RABGAP1: variants seen among roughly 807,000 people sequenced by gnomAD.
RABGAP1 encodes RAB GTPase activating protein 1, also known as rab GTPase-activating protein 1.
RABGAP1 carries 23 observed loss-of-function variants against 137.6 expected under a neutral mutation model. The observed-to-expected ratio is 0.17, with a 90% CI of 0.12 to 0.24. The LOEUF (loss-of-function observed/expected upper bound fraction) is 0.24, where lower values mean the gene tolerates loss of function less well. RABGAP1 is among the 10% of genes least tolerant of loss of function. The probability of loss-of-function intolerance (pLI) is 1.00; values close to 1 mark genes in which losing one functional copy is unlikely to be tolerated. For synonymous variants in RABGAP1, 451 were observed against 450.7 expected (o/e 1.00, Z -0.01); for missense variants, 906 against 1,275.8 (o/e 0.71, Z 4.42).
intron 13 of RABGAP1, among the ~76,000 whole-genome samples, chr9:123,032,409 A>G (rs539298028): frequency 6.6e-5 from 10 of 152,322 alleles, no homozygotes; most frequent in South Asian, 4.1e-4. Flanking sequence ...CTGTTTCCCA[A>G]TAAGACCTGT....
chr9:123,101,877 G>T (rs2035356789), intron 25 of RABGAP1, 114 bp downstream of exon 25: 11 of 1,091,754 alleles, frequency 1.0e-5, no homozygotes, highest in Non-Finnish European at 1.4e-5. Flanking sequence ...TTAAACTTTG[G>T]TCACAGTTGT....
intron 10 of RABGAP1, among the ~76,000 whole-genome samples, chr9:123,000,833 C>A (rs1015354665): frequency 6.6e-6 from 1 of 151,120 alleles, no homozygotes; most frequent in Non-Finnish European, 1.5e-5. Flanking sequence ...GCCTCTTTAC[C>A]CATCATACTG....
At position 123,090,198 on chromosome 9, in the gene RABGAP1, T is replaced by C. The variant is rs2034993149; in HGVS notation, c.2518-77T>C. 3.6e-6 allele frequency: 4 copies of C among 1,101,136 alleles called. No individual in the cohort carries two copies. In the African/African-American group the frequency reaches 4.8e-5, roughly 13 times the overall value. 68.2% of individuals were successfully genotyped at this position (1,101,136 alleles called of 1,614,324 possible). ...TTTCCATAGGACTTAGAAATTTATT[T>C]TGAGGTTTAGCCCTGAGAAATTTTC... On this transcript the variant is annotated intron_variant, in intron 20 of 25. Transcript: ENST00000373647.
intron 13 of RABGAP1, among the ~76,000 whole-genome samples, chr9:123,046,076 C>T (rs1436777246): frequency 1.3e-5 from 2 of 152,182 alleles, no homozygotes; most frequent in East Asian, 1.9e-4. Flanking sequence ...CCCTTAAGTA[C>T]TGCCTTGATA....
intron 2 of RABGAP1, among the ~76,000 whole-genome samples, chr9:122,973,935 G>A (rs139976094): frequency 7.9e-5 from 12 of 152,088 alleles, no homozygotes; most frequent in African/African-American, 2.6e-4. Flanking sequence ...GCTTGAACCC[G>A]GGAGGCGGAG....
At chr9:123,059,568 ATT>A (rs1397115720) in intron 13 of RABGAP1, among the ~76,000 whole-genome samples, 5 of 152,136 alleles carry the variant, frequency 3.3e-5, no homozygotes, top group African/African-American at 7.2e-5. Context: ...ATAAATAAAA[ATT>A]AAAAAACAAA....
chr9:122,943,301 T>A (rs930834420), intron 1 of RABGAP1, among the ~76,000 whole-genome samples: 2 of 151,972 alleles, frequency 1.3e-5, no homozygotes, highest in Non-Finnish European at 2.9e-5. Flanking sequence ...ACTCCTGACC[T>A]CAGGTGATCC....
At chr9:123,077,324 C>T in intron 19 of RABGAP1, among the ~76,000 whole-genome samples, 1 of 151,622 alleles carries the variant, frequency 6.6e-6, no homozygotes, top group Non-Finnish European at 1.5e-5. Flanking sequence ...TAATTTTTAA[C>T]TTTTTTTTGT....
intron 2 of RABGAP1, among the ~76,000 whole-genome samples, chr9:122,977,942 T>C (rs951318388): frequency 6.6e-6 from 1 of 152,034 alleles, no homozygotes; most frequent in African/African-American, 2.4e-5. Flanking sequence ...GTAGGGTACA[T>C]AGAAAAAAAG....
At chr9:123,020,847 C>T in intron 13 of RABGAP1, 3 of 806,912 alleles carry the variant, frequency 3.7e-6, no homozygotes, top group Non-Finnish European at 4.5e-6. Context: ...TCTTCTGCAA[C>T]TGTAAGAAAA....
chr9:123,003,404 C>T (rs995721679), intron 10 of RABGAP1, among the ~76,000 whole-genome samples: 2 of 152,118 alleles, frequency 1.3e-5, no homozygotes, highest in Admixed American at 6.5e-5. Flanking sequence ...CTACTTTTGT[C>T]TTTTCATCTA....
At chr9:122,953,540 T>C (rs1834362002) in intron 1 of RABGAP1, among the ~76,000 whole-genome samples, 2 of 152,160 alleles carry the variant, frequency 1.3e-5, no homozygotes, top group South Asian at 4.1e-4. Flanking sequence ...TAGCTGGGAC[T>C]ACAGGCGTGC....
Position 123,076,691 on chromosome 9 carries a change from G to A in RABGAP1, c.2353G>A (p.Val785Ile), listed in dbSNP as rs1328080449. The change falls in exon 19 of 26, where the codon GTT (valine) becomes ATT (isoleucine). Residue 785 changes from valine to isoleucine, a missense_variant. This residue lies in a region of RABGAP1 where 77 missense variants were observed against 105.6 expected (regional missense o/e 0.73). Coordinates refer to ENST00000373647, the MANE Select transcript of RABGAP1 (RefSeq NM_012197.4). ...TGAAGGTGCCTTGAAGTTCTTTAGGGTTCAGCTTCCTAAGAGATACCGCTC... is the reference window on the plus strand; with the variant it reads ...TGAAGGTGCCTTGAAGTTCTTTAGGATTCAGCTTCCTAAGAGATACCGCTC... ...DFEGALKFFR[V>I]QLPKRYRSEE... 1.2e-6 allele frequency: 2 copies of A among 1,609,730 alleles called. No homozygotes were observed. Among genetic ancestry groups the A allele is most frequent in the South Asian group, 1.1e-5 (1 of 90,444 alleles).
intron 12 of RABGAP1, 99 bp from the exon 13 acceptor site, chr9:123,020,210 C>G (rs1224109362): frequency 9.2e-7 from 1 of 1,084,576 alleles, no homozygotes; most frequent in Admixed American, 3.3e-5. Context: ...TACCTTGTCA[C>G]GTATTTGTAA....
intron 13 of RABGAP1, among the ~76,000 whole-genome samples, chr9:123,031,768 T>G (rs2131979789): frequency 6.6e-6 from 1 of 152,218 alleles, no homozygotes; most frequent in African/African-American, 2.4e-5. Context: ...GGTTTTTGAT[T>G]TTAGACATGC....
chr9:122,983,928 A>T (rs891941795), intron 2 of RABGAP1, among the ~76,000 whole-genome samples: 1 of 152,202 alleles, frequency 6.6e-6, no homozygotes. Flanking sequence ...TTGTACATTC[A>T]TGTCAGCTTT....
At chr9:123,071,870 T>G (rs528038685) in intron 15 of RABGAP1, among the ~76,000 whole-genome samples, 33 of 152,192 alleles carry the variant, frequency 2.2e-4, no homozygotes, top group African/African-American at 6.7e-4. Context: ...GGGAAACACT[T>G]GGTGTATGGG....
intron 9 of RABGAP1, among the ~76,000 whole-genome samples, chr9:122,997,696 AAGTG>A (rs1837104961): frequency 6.6e-6 from 1 of 152,088 alleles, no homozygotes; most frequent in African/African-American, 2.4e-5. Flanking sequence ...TTATAGGGGG[AAGTG>A]AGTCTACCAC....
At chr9:123,091,274 G>A (rs151037283) in intron 21 of RABGAP1, among the ~76,000 whole-genome samples, 53 of 152,122 alleles carry the variant, frequency 3.5e-4, no homozygotes, top group African/African-American at 1.1e-3. Flanking sequence ...GGATTTTTAC[G>A]GGGGTCTTAC....
Sources: gnomAD v4.1 joint callset for allele counts (sites outside exome capture counted in the v4.1 genomes callset) on GRCh38, gnomAD v4.1.1 for gene constraint, gnomAD v4.1.1 regional missense constraint, MANE v1.5 for transcripts, NCBI Gene and HGNC (gene_info 2026-07-23, HGNC 2026-07-21) for gene names.